KIF13A: variants seen among roughly 807,000 people sequenced by gnomAD.
KIF13A encodes kinesin-like protein KIF13A.
In KIF13A, 79 loss-of-function variants were observed where a neutral mutation model predicts 212.2. The ratio of observed to expected loss-of-function variants is 0.37; its 90% confidence interval spans 0.31 to 0.45. The LOEUF (loss-of-function observed/expected upper bound fraction) is 0.45. Ranked by LOEUF, KIF13A falls within the 20% of genes least tolerant of loss-of-function variation. The pLI is 1.00. For missense variants in KIF13A, 1,901 were observed against 2,209.0 expected (o/e 0.86, Z 2.79); for synonymous variants, 789 against 808.6 (o/e 0.98, Z 0.41).
At position 17,837,300 on chromosome 6, in the gene KIF13A, A is replaced by T. The variant is rs1004295829; in HGVS notation, c.942+172T>A. Among the ~76,000 whole-genome samples the T allele has an allele frequency of 6.6e-6, 1 of 152,236 alleles. No individual in the cohort carries two copies. The highest frequency in any genetic ancestry group is 2.4e-5 in the African/African-American group (1 of 41,466). On this transcript the variant is annotated intron_variant, in intron 10 of 38. Transcript: ENST00000259711. The surrounding 1 kb of genome is among the most constrained non-coding windows in gnomAD (Gnocchi z 5.4). Reference sequence around the variant, plus strand: ...AATAAGGCCTGTCAAACAGCATTCAAATGGAATAAAAAGGAGTAGAAAATA... The same window carrying T: ...AATAAGGCCTGTCAAACAGCATTCATATGGAATAAAAAGGAGTAGAAAATA...
At position 17,846,628 on chromosome 6, in the gene KIF13A, G is replaced by T. The variant is rs866185890; in HGVS notation, c.830+2749C>A. ...TTAAAAAAAAAAAAAAAAAAAAAGG[G>T]AAGGAAGAAAAGAGGTAAGATGTTG... is the stretch of plus-strand genomic sequence containing the variant. On this transcript the variant is annotated intron_variant, in intron 9 of 38. Transcript: ENST00000259711. 3.8e-4 allele frequency among the ~76,000 whole-genome samples: 57 copies of T among 149,260 alleles called. 1 individual carries two copies. The highest frequency in any genetic ancestry group is 1.6e-3 in the Admixed American group (24 of 14,996).
At chr6:17,975,966 G>A (rs1461746997) in intron 2 of KIF13A, among the ~76,000 whole-genome samples, 1 of 152,230 alleles carries the variant, frequency 6.6e-6, no homozygotes, top group African/African-American at 2.4e-5. Flanking sequence ...TAGATACAGT[G>A]TCGATTGGTG....
intron 2 of KIF13A, among the ~76,000 whole-genome samples, chr6:17,916,229 G>T (rs528285238): frequency 1.3e-5 from 2 of 152,164 alleles, no homozygotes; most frequent in African/African-American, 4.8e-5. Context: ...CAAGGATTTT[G>T]ATTCTAGACC....
intron 2 of KIF13A, among the ~76,000 whole-genome samples, chr6:17,964,948 G>A (rs771406081): frequency 1.3e-5 from 2 of 151,884 alleles, no homozygotes; most frequent in African/African-American, 2.4e-5. Context: ...TCAGCCTCCC[G>A]AGTAGCTGGA....
In KIF13A at chr6:17,763,900, T is replaced by C. The variant is rs1758713737; in HGVS notation, c.*210A>G. On this transcript the variant is annotated 3_prime_UTR_variant, in exon 39 of 39. Coordinates refer to ENST00000259711, the MANE Select transcript of KIF13A (RefSeq NM_022113.6). ...GAACACTTCATTCAACACCAACCCA[T>C]GTGCCAGGTAAAAAAATCCACTGGT... The C allele has an allele frequency of 1.4e-6, 2 of 1,415,682 alleles. No homozygotes were observed. The highest frequency in any genetic ancestry group is 2.9e-5 in the Admixed American group (1 of 34,110). The allele number at this position is 1,415,682 out of a possible 1,614,324, so 87.7% of individuals were successfully genotyped here. A position where few individuals can be genotyped will look rare whatever the true frequency, so the allele number is the denominator to read the frequency against.
At chr6:17,813,041 G>T (rs1189637422) in intron 17 of KIF13A, among the ~76,000 whole-genome samples, 1 of 152,110 alleles carries the variant, frequency 6.6e-6, no homozygotes, top group African/African-American at 2.4e-5. Flanking sequence ...ATATCAATGG[G>T]TACAATTATA....
Position 17,855,875 on chromosome 6 carries a change from C to T in KIF13A, c.313+155G>A, listed in dbSNP as rs1041394900. On this transcript the variant is annotated intron_variant, in intron 5 of 38. Transcript: ENST00000259711. The surrounding 1 kb of genome is among the most constrained non-coding windows in gnomAD (Gnocchi z 4.1). ...ACTACAGGTGTGCCACCACGCTGGG[C>T]TAATGTTTTTAGTTTTTATAAAGAC... 4.7e-4 allele frequency among the ~76,000 whole-genome samples: 72 copies of T among 151,868 alleles called. No individual in the cohort carries two copies. The highest frequency in any genetic ancestry group is 1.7e-3 in the African/African-American group (72 of 41,342).
chr6:17,795,775 C>T (rs982725601), intron 23 of KIF13A, among the ~76,000 whole-genome samples: 2 of 152,120 alleles, frequency 1.3e-5, no homozygotes, highest in African/African-American at 4.8e-5. Context: ...TCATAGTGGT[C>T]TTTTGATGAG....
chr6:17,830,454 T>C (rs1451214208), intron 13 of KIF13A, among the ~76,000 whole-genome samples: 15 of 140,462 alleles, frequency 1.1e-4, no homozygotes. Context: ...TTGGAGTCCT[T>C]GATACTTTTT....
rs1259545845 is a variant in KIF13A, at chr6:17,829,767, G to A, written c.1401+1334C>T. ...AATGAACAGATCTTAAGTTTGTTGG[G>A]GGACTCTCAATAACTCAGGGGCTAT... On this transcript the variant is annotated intron_variant, in intron 13 of 38. Transcript: ENST00000259711. This position sits in a 1 kb window ranked among gnomAD's most constrained non-coding sequence, Gnocchi z 5.4. Among the ~76,000 whole-genome samples, 2 of 152,082 alleles carry A rather than the reference G, an allele frequency of 1.3e-5. No individual in the cohort carries two copies. The highest frequency in any genetic ancestry group is 4.8e-5 in the African/African-American group (2 of 41,412).
chr6:17,987,515 C>A lies in KIF13A; in HGVS notation c.-52G>T. 1 of 1,024,820 alleles carries A rather than the reference C, an allele frequency of 9.8e-7. No individual in the cohort carries two copies. The highest frequency in any genetic ancestry group is 1.2e-6 in the Non-Finnish European group (1 of 840,240). 63.5% of individuals were successfully genotyped at this position (1,024,820 alleles called of 1,614,324 possible). A position where few individuals can be genotyped will look rare whatever the true frequency, so the allele number is the denominator to read the frequency against. ...CCGCGCCCGCTCGGCCTTAGGCGGCCCCTCACGCGCGGCGCCGCCGCCGCT... is the reference window on the plus strand; with the variant it reads ...CCGCGCCCGCTCGGCCTTAGGCGGCACCTCACGCGCGGCGCCGCCGCCGCT... On this transcript the variant is annotated 5_prime_UTR_variant, in exon 1 of 39. Transcript: ENST00000259711. This position sits in a 1 kb window ranked among gnomAD's most constrained non-coding sequence, Gnocchi z 7.7.
chr6:17,800,084 C>T lies in KIF13A; in HGVS notation c.2484G>A (p.Met828Ile). Residue 828 changes from methionine (M) to isoleucine (I), a missense_variant, in exon 21 of 39, where the codon ATG (methionine) becomes ATA (isoleucine). By Grantham distance (10) the Met-to-Ile change is conservative (BLOSUM62 1). Coordinates refer to ENST00000259711, the MANE Select transcript of KIF13A (RefSeq NM_022113.6). ...EVAGRLHVEV[M>I]RVTGAVPERV... is the part of the protein sequence containing the mutation. ...GCTCTGGAACAGCTCCTGTAACACG[C>T]ATCACTTCCACGTGGAGACGCCCTG... The T allele has an allele frequency of 6.2e-7, 1 of 1,613,906 alleles. No individual in the cohort carries two copies. Among genetic ancestry groups the T allele is most frequent in the Non-Finnish European group, 8.5e-7 (1 of 1,179,838 alleles).
In KIF13A at chr6:17,856,245, A is replaced by C; in HGVS notation, c.221-123T>G. On this transcript the variant is annotated intron_variant, in intron 4 of 38. Coordinates refer to ENST00000259711, the MANE Select transcript of KIF13A (RefSeq NM_022113.6). This position sits in a 1 kb window ranked among gnomAD's most constrained non-coding sequence, Gnocchi z 4.5. ...AAAAGTGTAGTACCGAGTGCCCACTAAGTACAGGGCTGTGTATTAAGAGCT... is the reference window on the plus strand; with the variant it reads ...AAAAGTGTAGTACCGAGTGCCCACTCAGTACAGGGCTGTGTATTAAGAGCT... 1.5e-6 allele frequency: 1 copy of C among 662,738 alleles called. No homozygotes were observed. The highest frequency in any genetic ancestry group is 2.6e-6 in the Non-Finnish European group (1 of 378,042). The allele number at this position is 662,738 out of a possible 1,614,324, so 41.1% of individuals were successfully genotyped here.
chr6:17,838,506 T>C lies in KIF13A; in HGVS notation c.831-923A>G, dbSNP rs185918190. Among the ~76,000 whole-genome samples the C allele has an allele frequency of 6.6e-6, 1 of 152,066 alleles. No homozygotes were observed. Among genetic ancestry groups the C allele is most frequent in the African/African-American group, 2.4e-5 (1 of 41,472 alleles). ...ACGAGTCACTGAAAAGTCCCCGAAA[T>C]ATAATATAAACTCAAGATTCAGAAA... On this transcript the variant is annotated intron_variant, in intron 9 of 38. Coordinates refer to ENST00000259711, the MANE Select transcript of KIF13A (RefSeq NM_022113.6). The surrounding 1 kb of genome is among the most constrained non-coding windows in gnomAD (Gnocchi z 4.2).
chr6:17,801,439 T>C (rs1003022575), intron 20 of KIF13A, among the ~76,000 whole-genome samples: 1 of 149,668 alleles, frequency 6.7e-6, no homozygotes, highest in African/African-American at 2.5e-5. Flanking sequence ...GAGGCGGAGG[T>C]TGCAGTGAGC....
In KIF13A at chr6:17,826,201, T is replaced by C; in HGVS notation, c.1533-77A>G. The C allele has an allele frequency of 1.9e-6, 2 of 1,043,770 alleles. No homozygotes were observed. Among genetic ancestry groups the C allele is most frequent in the South Asian group, 1.3e-5 (1 of 74,400 alleles). 64.7% of individuals were successfully genotyped at this position (1,043,770 alleles called of 1,614,324 possible). A position where few individuals can be genotyped will look rare whatever the true frequency, so the allele number is the denominator to read the frequency against. ...TTGTCCTGGTAGCCAAAGAGATAAC[T>C]AGGGGAGCTTTCTCTTAATAAATGC... On this transcript the variant is annotated intron_variant, in intron 14 of 38. Transcript: ENST00000259711. This position sits in a 1 kb window ranked among gnomAD's most constrained non-coding sequence, Gnocchi z 4.7.
chr6:17,858,592 A>G (rs536177174), intron 4 of KIF13A, among the ~76,000 whole-genome samples: 2 of 152,332 alleles, frequency 1.3e-5, no homozygotes, highest in African/African-American at 2.4e-5. Flanking sequence ...CCTTGCTAAA[A>G]GGTAGGCCTT....
chr6:17,985,391 G>A (rs1429147132), intron 2 of KIF13A, among the ~76,000 whole-genome samples: 1 of 152,126 alleles, frequency 6.6e-6, no homozygotes, highest in East Asian at 1.9e-4. Context: ...GTTATAGATT[G>A]TACCAAATCC....
chr6:17,843,730 G>C lies in KIF13A; in HGVS notation c.830+5647C>G, dbSNP rs184838816. Among the ~76,000 whole-genome samples, 11 of 152,248 alleles carry C rather than the reference G, an allele frequency of 7.2e-5. No individual in the cohort carries two copies. The East Asian group carries it at 1.9e-3, about 27-fold the overall frequency. On this transcript the variant is annotated intron_variant, in intron 9 of 38. Coordinates refer to ENST00000259711, the MANE Select transcript of KIF13A (RefSeq NM_022113.6). This position sits in a 1 kb window ranked among gnomAD's most constrained non-coding sequence, Gnocchi z 5.3. ...TAGCTGGTTTCTGTTGCTTAGAGCA[G>C]AATGCAATCCCTGGCTTTGAAATAA...
Sources: allele counts gnomAD v4.1 joint callset (sites outside exome capture counted in the v4.1 genomes callset), GRCh38; gene constraint gnomAD v4.1.1; non-coding constraint Gnocchi (gnomAD v3.1); transcripts MANE v1.5; gene names NCBI Gene and HGNC (gene_info 2026-07-23, HGNC 2026-07-21).